Variants in AMOT observed in about 807,000 individuals in gnomAD.
The protein encoded by AMOT is angiomotin.
Under a neutral mutation model 67.0 loss-of-function variants are expected in AMOT, and 11 were observed. That is an observed-to-expected ratio of 0.16 (90% CI 0.10 to 0.27). The LOEUF (loss-of-function observed/expected upper bound fraction) is 0.27, where lower values mean the gene tolerates loss of function less well. Ranked by LOEUF, AMOT falls within the 10% of genes least tolerant of loss-of-function variation. The pLI is 1.00. For missense variants in AMOT, 753 were observed against 852.0 expected (o/e 0.88, Z 1.45); for synonymous variants, 326 against 321.4 (o/e 1.01, Z -0.15).
At chrX:112,783,328 C>T (rs2147779392) in intron 10 of AMOT, among the ~76,000 whole-genome samples, 1 of 109,142 alleles carries the variant, frequency 9.2e-6, no homozygotes, top group East Asian at 2.9e-4. Flanking sequence ...GTATATATTT[C>T]CATTTTATTC....
rs766099905 is a variant in AMOT, at chrX:112,815,595, GTGC to G, written c.1152_1154del (p.Gln384del). The G allele has an allele frequency of 2.5e-6, 3 of 1,206,710 alleles. No homozygotes were observed. Among genetic ancestry groups the G allele is most frequent in the Non-Finnish European group, 3.4e-6 (3 of 893,389 alleles). Reference sequence around the variant, plus strand: ...GTTGTTGGTGGTGATGGTGATGATGGTGCTGCTGCTGCTGTTGCTGCTGCTGCT... The same window carrying G: ...GTTGTTGGTGGTGATGGTGATGATGGTGCTGCTGCTGTTGCTGCTGCTGCT... On this transcript the variant is annotated inframe_deletion, in exon 5 of 14. Coordinates refer to ENST00000371959, the MANE Select transcript of AMOT (RefSeq NM_001113490.2).
chrX:112,799,578 T>C (rs1037396625), intron 8 of AMOT, among the ~76,000 whole-genome samples: 3 of 112,154 alleles, frequency 2.7e-5, no homozygotes, highest in Non-Finnish European at 3.8e-5. Flanking sequence ...TTTGATCTGA[T>C]TTAGTCTTAC....
chrX:112,833,862 T>TA (rs11449059), intron 1 of AMOT, among the ~76,000 whole-genome samples: 5,130 of 112,324 alleles, frequency 0.046, 294 homozygotes, highest in African/African-American at 0.16. Context: ...CTGTGATTTT[T>TA]ATCTTAGTTT....
At chrX:112,797,872 TAGAA>T (rs982454058) in intron 8 of AMOT, among the ~76,000 whole-genome samples, 11 of 92,764 alleles carry the variant, frequency 1.2e-4, no homozygotes, top group South Asian at 5.0e-4. Context: ...AGAAAAGAAA[TAGAA>T]AGAAAGAGAG....
intron 7 of AMOT, among the ~76,000 whole-genome samples, chrX:112,807,611 A>G (rs919360982): frequency 6.3e-5 from 7 of 111,720 alleles, no homozygotes; most frequent in Non-Finnish European, 1.1e-4. Flanking sequence ...ACATGTTAAG[A>G]AAGAATCAAC....
At chrX:112,825,514 T>C (rs1026541074) in intron 2 of AMOT, among the ~76,000 whole-genome samples, 1 of 111,425 alleles carries the variant, frequency 9.0e-6, no homozygotes, top group African/African-American at 3.3e-5. Context: ...CCATTCCAAG[T>C]TGGAATGGTG....
Position 112,835,831 on chromosome X carries a change from G to A in AMOT, c.-288-3461C>T, listed in dbSNP as rs112605096. On this transcript the variant is annotated intron_variant, in intron 1 of 13. Coordinates refer to ENST00000371959, the MANE Select transcript of AMOT (RefSeq NM_001113490.2). The stretch of plus-strand genomic sequence containing the variant: ...ACTCCTGACCTTAGGTGATCCGCCC[G>A]CCTCTGCCTCCCAAATCGCTGGGAT... 7.6e-3 allele frequency among the ~76,000 whole-genome samples: 850 copies of A among 111,354 alleles called. 8 individuals are homozygous for A. The highest frequency in any genetic ancestry group is 0.026 in the African/African-American group (782 of 30,578).
At chrX:112,800,092 G>A (rs928960654) in intron 8 of AMOT, among the ~76,000 whole-genome samples, 3 of 110,993 alleles carry the variant, frequency 2.7e-5, no homozygotes, top group African/African-American at 9.8e-5. Flanking sequence ...TTAGCTGGAC[G>A]TGGTGGCACA....
chrX:112,820,187 A>AT (rs1178648397), intron 4 of AMOT, among the ~76,000 whole-genome samples: 1 of 111,977 alleles, frequency 8.9e-6, no homozygotes, highest in African/African-American at 3.2e-5. Context: ...ATCAAGCATT[A>AT]TCAAGCACTC....
intron 10 of AMOT, among the ~76,000 whole-genome samples, chrX:112,784,611 AAG>A (rs1484810934): frequency 8.9e-6 from 1 of 112,006 alleles, no homozygotes; most frequent in East Asian, 2.8e-4. Context: ...GAAGGAGGGA[AAG>A]AGAGAGGTGG....
chrX:112,780,168 T>C (rs776690302), intron 12 of AMOT, among the ~76,000 whole-genome samples: 2 of 112,416 alleles, frequency 1.8e-5, no homozygotes, highest in South Asian at 7.4e-4. Flanking sequence ...GTAATAATTG[T>C]GTGATCTGAG....
chrX:112,818,668 T>A (rs2147818255), intron 4 of AMOT, among the ~76,000 whole-genome samples: 1 of 110,901 alleles, frequency 9.0e-6, no homozygotes, highest in African/African-American at 3.3e-5. Context: ...GAAAAAGAGA[T>A]TAAGGAATGA....
chrX:112,780,982 T>C lies in AMOT; in HGVS notation c.2377A>G (p.Asn793Asp). Residue 793 changes from asparagine to aspartate, a missense_variant, in exon 12 of 14, where the codon AAT (asparagine) becomes GAT (aspartate). Physicochemically the swap from Asn to Asp is conservative, Grantham distance 23. Transcript: ENST00000371959. Reference protein sequence around the residue: ...RPAKSLMSISNAGSGLLSHSS... With the variant: ...RPAKSLMSISDAGSGLLSHSS... ...TGGGAGAGCAAGCCTGATCCAGCAT[T>C]GGAAATGGACATCAGAGACTTCGCT... The C allele has an allele frequency of 8.3e-7, 1 of 1,211,756 alleles. No homozygotes were observed. Among genetic ancestry groups the C allele is most frequent in the Non-Finnish European group, 1.1e-6 (1 of 895,525 alleles).
intron 8 of AMOT, among the ~76,000 whole-genome samples, chrX:112,800,369 A>C (rs982342266): frequency 1.8e-5 from 2 of 112,708 alleles, no homozygotes; most frequent in Non-Finnish European, 1.9e-5. Context: ...CAAATAAATC[A>C]ATAATGCACC....
At chrX:112,804,709 T>C (rs1934115394) in intron 8 of AMOT, among the ~76,000 whole-genome samples, 1 of 111,471 alleles carries the variant, frequency 9.0e-6, no homozygotes, top group Non-Finnish European at 1.9e-5. Flanking sequence ...AATGAACAAA[T>C]GGAAACTGTT....
intron 10 of AMOT, among the ~76,000 whole-genome samples, chrX:112,786,688 T>A (rs2147782395): frequency 8.9e-6 from 1 of 112,292 alleles, no homozygotes; most frequent in Admixed American, 9.5e-5. Context: ...AGCTACACCA[T>A]TTCTAAGAAG....
intron 2 of AMOT, among the ~76,000 whole-genome samples, chrX:112,826,698 C>G (rs1934851211): frequency 9.0e-6 from 1 of 111,597 alleles, no homozygotes; most frequent in African/African-American, 3.3e-5. Flanking sequence ...AACGCGAGTC[C>G]CTGGAGAGAA....
At chrX:112,780,183 T>C (rs1002413754) in intron 12 of AMOT, among the ~76,000 whole-genome samples, 7 of 112,259 alleles carry the variant, frequency 6.2e-5, no homozygotes, top group Non-Finnish European at 1.1e-4. Flanking sequence ...TCTGAGGTTC[T>C]CACCATGACC....
chrX:112,836,556 T>C (rs1325747177), intron 1 of AMOT, among the ~76,000 whole-genome samples: 1 of 110,994 alleles, frequency 9.0e-6, no homozygotes, highest in African/African-American at 3.3e-5. Flanking sequence ...TATCTAAAAC[T>C]CATGTTAGTA....
Sources: allele counts gnomAD v4.1 joint callset (sites outside exome capture counted in the v4.1 genomes callset), GRCh38; gene constraint gnomAD v4.1.1; transcripts MANE v1.5; gene names NCBI Gene and HGNC (gene_info 2026-07-23, HGNC 2026-07-21).